ZMYM4: variants seen among roughly 807,000 people sequenced by gnomAD.
ZMYM4 encodes the protein zinc finger MYM-type containing 4, also known as zinc finger MYM-type protein 4.
ZMYM4 carries 31 observed loss-of-function variants against 183.2 expected under a neutral mutation model. That is an observed-to-expected ratio of 0.17 (90% CI 0.13 to 0.23). The LOEUF (loss-of-function observed/expected upper bound fraction) is 0.23. Ranked by LOEUF, ZMYM4 falls within the 10% of genes least tolerant of loss-of-function variation. ZMYM4 has a pLI of 1.00. For missense variants in ZMYM4, 1,273 were observed against 1,840.3 expected, an observed-to-expected ratio of 0.69 and a Z score of 5.64; for synonymous variants, 592 against 631.2, an observed-to-expected ratio of 0.94 and a Z score of 0.93.
intron 26 of ZMYM4, among the ~76,000 whole-genome samples, chr1:35,409,341 G>T (rs1342920468): frequency 6.6e-6 from 1 of 152,122 alleles, no homozygotes; most frequent in Non-Finnish European, 1.5e-5. Context: ...AGTTGTTGAG[G>T]AACTACTGAA....
At chr1:35,281,842 A>G (rs79534259) in intron 1 of ZMYM4, among the ~76,000 whole-genome samples, 2,315 of 152,240 alleles carry the variant, frequency 0.015, 55 homozygotes, top group African/African-American at 0.052. Context: ...CCTCTGGTAA[A>G]CTTTAAATTA....
chr1:35,269,205 C>CAGGTCTGAGGCAGCCTT, intron 1 of ZMYM4, 120 bp downstream of exon 1: 1 of 1,137,922 alleles, frequency 8.8e-7, no homozygotes, highest in Non-Finnish European at 1.1e-6. Context: ...AGGTTGCGGG[C>CAGGTCTGAGGCAGCCTT]AGGTCTGAGG....
chr1:35,290,497 G>A (rs947978308), intron 1 of ZMYM4, among the ~76,000 whole-genome samples: 1 of 152,080 alleles, frequency 6.6e-6, no homozygotes, highest in Non-Finnish European at 1.5e-5. Context: ...GTGCAGTGGT[G>A]CAATCATAGC....
At chr1:35,375,407 A>G (rs1644313517) in intron 7 of ZMYM4, among the ~76,000 whole-genome samples, 1 of 152,224 alleles carries the variant, frequency 6.6e-6, no homozygotes. Context: ...AATTCAAAGA[A>G]GGTAAAAGAT....
intron 1 of ZMYM4, among the ~76,000 whole-genome samples, chr1:35,306,492 CT>C (rs1007851059): frequency 6.6e-6 from 1 of 152,112 alleles, no homozygotes; most frequent in African/African-American, 2.4e-5. Context: ...AACCTACCTT[CT>C]TTTTGTTTCA....
chr1:35,390,170 G>A (rs1022039310), intron 15 of ZMYM4, 72 bp downstream of exon 15: 1 of 1,485,900 alleles, frequency 6.7e-7, no homozygotes, highest in Admixed American at 2.0e-5. Context: ...TACAGATCAG[G>A]AACTGTGTAA....
In ZMYM4 at chr1:35,284,133, C is replaced by T. The variant is rs573320566; in HGVS notation, c.39+15048C>T. 4.4e-3 allele frequency among the ~76,000 whole-genome samples: 663 copies of T among 151,830 alleles called. 5 individuals carry two copies. The highest frequency in any genetic ancestry group is 0.027 in the Middle Eastern group (8 of 294). On this transcript the variant is annotated intron_variant, in intron 1 of 29. Transcript: ENST00000314607. ...CTGGGACTACAGGTGCCCGCCACCG[C>T]GCCCTGCTAATTTTTTGTATTTTTA...
chr1:35,340,206 C>A (rs1036304816), intron 2 of ZMYM4, among the ~76,000 whole-genome samples: 1 of 151,830 alleles, frequency 6.6e-6, no homozygotes, highest in Non-Finnish European at 1.5e-5. Flanking sequence ...GTCTTTCTAT[C>A]CATGAACTTG....
rs1202381996 is a variant in ZMYM4, at chr1:35,371,113, ATT to A, written c.1181+488_1181+489del. 9.0e-5 allele frequency among the ~76,000 whole-genome samples: 12 copies of A among 133,892 alleles called. 2 individuals are homozygous for A. The highest frequency in any genetic ancestry group is 2.8e-4 in the African/African-American group (10 of 36,006). 87.8% of individuals were successfully genotyped at this position (133,892 alleles called of 152,430 possible). ...TGTGTGTGTGTGTGTGTGTGCGCAC[ATT>A]TATTTATTTATTTATTTTGAGACGG... On this transcript the variant is annotated intron_variant, in intron 7 of 29. Transcript: ENST00000314607.
Position 35,386,988 on chromosome 1 carries a change from GT to G in ZMYM4, c.1837-11del, listed in dbSNP as rs762147717. ...AAAGATTAAATTGATACTTTTTGTTGTTTTGTTTTTCCAGAATTTATTCAAC... is the reference window on the plus strand; with the variant it reads ...AAAGATTAAATTGATACTTTTTGTTGTTTGTTTTTCCAGAATTTATTCAAC... On this transcript the variant is annotated splice_polypyrimidine_tract_variant and intron_variant, in intron 11 of 29. Transcript: ENST00000314607. 6.2e-7 allele frequency: 1 copy of G among 1,608,704 alleles called. No homozygotes were observed.
At chr1:35,276,395 G>A (rs1479829527) in intron 1 of ZMYM4, among the ~76,000 whole-genome samples, 3 of 151,452 alleles carry the variant, frequency 2.0e-5, no homozygotes, top group African/African-American at 7.3e-5. Flanking sequence ...ACTTCCGTGT[G>A]TATTTCTAAC....
intron 1 of ZMYM4, among the ~76,000 whole-genome samples, chr1:35,285,297 A>T (rs1039916962): frequency 6.6e-6 from 1 of 152,178 alleles, no homozygotes; most frequent in Admixed American, 6.5e-5. Context: ...TAAGTCTTCC[A>T]GTCTGTGAAC....
chr1:35,282,904 C>T (rs1640248774), intron 1 of ZMYM4, among the ~76,000 whole-genome samples: 1 of 147,878 alleles, frequency 6.8e-6, no homozygotes, highest in Non-Finnish European at 1.5e-5. Context: ...ATAACATTTT[C>T]CATTTGCACC....
intron 1 of ZMYM4, among the ~76,000 whole-genome samples, chr1:35,308,774 T>A (rs1641665847): frequency 6.6e-6 from 1 of 151,980 alleles, no homozygotes; most frequent in East Asian, 1.9e-4. Context: ...GGTGGGAGGT[T>A]TGCTTGAACG....
chr1:35,306,364 T>C (rs529356351), intron 1 of ZMYM4, among the ~76,000 whole-genome samples: 18 of 152,202 alleles, frequency 1.2e-4, no homozygotes, highest in Non-Finnish European at 2.4e-4. Context: ...AATGCTTGTT[T>C]ATTTTTATGT....
intron 5 of ZMYM4, among the ~76,000 whole-genome samples, chr1:35,365,713 AT>A (rs956713595): frequency 3.3e-5 from 5 of 152,218 alleles, no homozygotes; most frequent in Admixed American, 6.5e-5. Context: ...TGGTAAAGGA[AT>A]TTTTTTGTGT....
chr1:35,351,084 G>C, intron 2 of ZMYM4: 1 of 853,022 alleles, frequency 1.2e-6, no homozygotes, highest in Non-Finnish European at 2.0e-6. Flanking sequence ...TGAATGCCAA[G>C]TGGAGGTGAC....
intron 1 of ZMYM4, among the ~76,000 whole-genome samples, chr1:35,282,648 C>T (rs1026240103): frequency 1.4e-4 from 22 of 152,104 alleles, no homozygotes; most frequent in African/African-American, 4.8e-4. Context: ...CTCTACCTCC[C>T]TGGTTTAAGC....
chr1:35,328,459 T>TG (rs1642599169), intron 2 of ZMYM4, among the ~76,000 whole-genome samples: 1 of 136,682 alleles, frequency 7.3e-6, no homozygotes, highest in Non-Finnish European at 1.5e-5. Context: ...TTTTAATTTT[T>TG]TTTTTTTTTT....
Sources: allele counts gnomAD v4.1 joint callset (sites outside exome capture counted in the v4.1 genomes callset), GRCh38; gene constraint gnomAD v4.1.1; transcripts MANE v1.5; gene names NCBI Gene and HGNC (gene_info 2026-07-23, HGNC 2026-07-21).